Variants in REPS2 observed in about 807,000 individuals in gnomAD.
REPS2 encodes the protein RALBP1 associated Eps domain containing 2.
Under a neutral mutation model 53.6 loss-of-function variants are expected in REPS2, and 23 were observed. That is an observed-to-expected ratio of 0.43 (90% CI 0.31 to 0.61). REPS2 has a LOEUF of 0.61. Ranked by LOEUF, REPS2 falls within the 20% of genes least tolerant of loss-of-function variation. REPS2 has a pLI of 0.11. For synonymous variants in REPS2, 238 were observed against 218.6 expected (o/e 1.09, Z -0.78); for missense variants, 446 against 534.9 (o/e 0.83, Z 1.64).
intron 14 of REPS2, among the ~76,000 whole-genome samples, chrX:17,114,883 G>A (rs1330413239): frequency 8.9e-6 from 1 of 112,204 alleles, no homozygotes; most frequent in African/African-American, 3.2e-5. Flanking sequence ...TATTTTGAAT[G>A]CATTACCTCC....
At chrX:16,957,068 A>G (rs757955932) in intron 1 of REPS2, among the ~76,000 whole-genome samples, 4 of 112,336 alleles carry the variant, frequency 3.6e-5, no homozygotes, top group Non-Finnish European at 7.5e-5. Flanking sequence ...CACCTGTGCT[A>G]ATTTTCCAAA....
the REPS2 span, among the ~76,000 whole-genome samples, chrX:17,174,809 C>G: frequency 2.7e-5 from 3 of 112,805 alleles, no homozygotes; most frequent in African/African-American, 9.6e-5. Context: ...GCCGCCGCTG[C>G]TGCTGCTGCT....
At chrX:17,023,784 C>G (rs896873443) in intron 3 of REPS2, among the ~76,000 whole-genome samples, 3 of 111,801 alleles carry the variant, frequency 2.7e-5, no homozygotes, top group Non-Finnish European at 5.6e-5. Context: ...GGGAAATTTC[C>G]AGGCCCAGTC....
chrX:17,196,025 G>A, the REPS2 span, among the ~76,000 whole-genome samples: 5 of 111,225 alleles, frequency 4.5e-5, no homozygotes, highest in Non-Finnish European at 7.5e-5. Context: ...TCCCTCTTTG[G>A]TGGGTAGTTA....
At chrX:17,010,515 A>G (rs2061415658) in intron 2 of REPS2, among the ~76,000 whole-genome samples, 1 of 111,961 alleles carries the variant, frequency 8.9e-6, no homozygotes, top group Non-Finnish European at 1.9e-5. Flanking sequence ...CTTTCCCAGC[A>G]TCTGTTTCCT....
intron 13 of REPS2, among the ~76,000 whole-genome samples, chrX:17,089,901 G>C (rs1029248676): frequency 8.9e-6 from 1 of 112,382 alleles, no homozygotes; most frequent in Non-Finnish European, 1.9e-5. Context: ...ATATATAGGG[G>C]TGGAATTGCT....
chrX:17,179,900 A>G, the REPS2 span, among the ~76,000 whole-genome samples: 1 of 112,275 alleles, frequency 8.9e-6, no homozygotes, highest in Middle Eastern at 4.6e-3. Context: ...AGTTATTGCA[A>G]AGAATCAGTT....
Position 17,068,479 on chromosome X carries a change from A to G in REPS2, c.1279+8A>G. 8.4e-7 allele frequency: 1 copy of G among 1,186,528 alleles called. No individual in the cohort carries two copies. Among genetic ancestry groups the G allele is most frequent in the East Asian group, 3.0e-5 (1 of 33,675 alleles). ...CTAGTGATGACAAACAAGGTAGGAG[A>G]AGAATGAGTTTTCTTCTTTAACCAG... On this transcript the variant is annotated splice_region_variant and intron_variant, in intron 10 of 17. Coordinates refer to ENST00000357277, the MANE Select transcript of REPS2 (RefSeq NM_004726.3).
Position 17,151,872 on chromosome X carries a change from C to G in REPS2, c.*4391C>G, listed in dbSNP as rs183632085. The G allele has an allele frequency of 9.8e-6, 1 of 102,117 alleles. No individual in the cohort carries two copies. The highest frequency in any genetic ancestry group is 3.0e-4 in the East Asian group (1 of 3,320). The allele number at this position is 102,117 out of a possible 1,213,427, so 8.4% of individuals were successfully genotyped here. A position where few individuals can be genotyped will look rare whatever the true frequency, so the allele number is the denominator to read the frequency against. On this transcript the variant is annotated 3_prime_UTR_variant, in exon 18 of 18. Transcript: ENST00000357277. ...TACTTTAGTTATGGGTGTTTTGTTA[C>G]TTTTTTTTTTTTTGTATCATGACTC... is the stretch of plus-strand genomic sequence containing the variant.
rs763319031 is a variant in REPS2, at chrX:17,133,918, CCT to C, written c.1662+12_1662+13del. On this transcript the variant is annotated intron_variant, in intron 15 of 17. Coordinates refer to ENST00000357277, the MANE Select transcript of REPS2 (RefSeq NM_004726.3). ...AGTCCAGCAAAGAAGGTAAGGTCAG[CCT>C]GAGGATGCTGTCAGATGGCGTTGCG... The C allele has an allele frequency of 3.4e-6, 4 of 1,178,739 alleles. No homozygotes were observed. The highest frequency in any genetic ancestry group is 4.6e-6 in the Non-Finnish European group (4 of 865,522).
chrX:17,127,671 T>G (rs2063233676), intron 14 of REPS2, among the ~76,000 whole-genome samples: 2 of 111,435 alleles, frequency 1.8e-5, no homozygotes. Context: ...TCCTGACTCC[T>G]CACCCTTCCT....
At chrX:16,968,830 C>A (rs1312462797) in intron 1 of REPS2, among the ~76,000 whole-genome samples, 1 of 108,620 alleles carries the variant, frequency 9.2e-6, no homozygotes, top group Non-Finnish European at 1.9e-5. Flanking sequence ...GGGGCTGACC[C>A]CCCCACCTCC....
chrX:17,093,166 C>CCATATATATATATATGTA (rs2062641320), intron 13 of REPS2, among the ~76,000 whole-genome samples: 1 of 39,122 alleles, frequency 2.6e-5, no homozygotes, highest in African/African-American at 1.2e-4. Context: ...TGAGTTAATG[C>CCATATATATATATATGTA]TATATATATA....
In REPS2 at chrX:17,022,288, G is replaced by C; in HGVS notation, c.546+17G>C. On this transcript the variant is annotated intron_variant, in intron 3 of 17. Coordinates refer to ENST00000357277, the MANE Select transcript of REPS2 (RefSeq NM_004726.3). ...GATAAACAGGTAAACAGTTTGTTCA[G>C]ATGTGTTCATTTGATTCTGACCATG... The C allele has an allele frequency of 8.4e-7, 1 of 1,193,869 alleles. No homozygotes were observed. The highest frequency in any genetic ancestry group is 1.1e-6 in the Non-Finnish European group (1 of 883,361).
chrX:17,033,955 C>T (rs1247392743), intron 5 of REPS2, among the ~76,000 whole-genome samples: 1 of 112,371 alleles, frequency 8.9e-6, no homozygotes. Context: ...TACTCTTCAC[C>T]CTCACTTTTG....
the REPS2 span, among the ~76,000 whole-genome samples, chrX:17,187,235 C>T: frequency 9.0e-6 from 1 of 111,571 alleles, no homozygotes; most frequent in Non-Finnish European, 1.9e-5. Flanking sequence ...TTTTCTTTTG[C>T]TCTTTCATTA....
chrX:17,128,634 T>TGG (rs745945201), intron 14 of REPS2, among the ~76,000 whole-genome samples: 1 of 111,901 alleles, frequency 8.9e-6, no homozygotes, highest in Non-Finnish European at 1.9e-5. Context: ...AAAAAATATC[T>TGG]GTGTAATTGA....
At chrX:17,004,886 T>C (rs2061345431) in intron 1 of REPS2, among the ~76,000 whole-genome samples, 1 of 110,612 alleles carries the variant, frequency 9.0e-6, no homozygotes. Flanking sequence ...ATTTTTAAAA[T>C]AGAGACAGGG....
the REPS2 span, among the ~76,000 whole-genome samples, chrX:17,176,190 C>T: frequency 9.0e-6 from 1 of 111,591 alleles, no homozygotes; most frequent in Admixed American, 9.5e-5. Flanking sequence ...GACACTATCT[C>T]CAGAGCACTG....
Sources: gnomAD v4.1 joint callset for allele counts (sites outside exome capture counted in the v4.1 genomes callset) on GRCh38, gnomAD v4.1.1 for gene constraint, MANE v1.5 for transcripts, NCBI Gene and HGNC (gene_info 2026-07-23, HGNC 2026-07-21) for gene names.